The following RIMKLB variants were observed in gnomAD, a reference collection of about 807,000 sequenced individuals.
The protein encoded by RIMKLB is ribosomal modification protein rimK like family member B.
RIMKLB carries 7 observed loss-of-function variants against 32.0 expected under a neutral mutation model. The ratio of observed to expected loss-of-function variants is 0.22; its 90% CI spans 0.12 to 0.41. The LOEUF (loss-of-function observed/expected upper bound fraction) is 0.41, where lower values mean the gene tolerates loss of function less well. Ranked by LOEUF, RIMKLB falls within the 10% of genes least tolerant of loss-of-function variation. The pLI, the probability that RIMKLB is intolerant of heterozygous loss-of-function variation, is 1.00. For missense variants in RIMKLB, 289 were observed against 498.7 expected (o/e 0.58, Z 4.00); for synonymous variants, 172 against 185.1 (o/e 0.93, Z 0.57).
chr12:8,698,249 C>G lies in RIMKLB; in HGVS notation c.-105C>G, dbSNP rs1043443432. 1.3e-5 allele frequency: 5 copies of G among 373,088 alleles called. No individual in the cohort carries two copies. Among genetic ancestry groups the G allele is most frequent in the South Asian group, 1.8e-5 (1 of 55,982 alleles). 23.1% of individuals were successfully genotyped at this position (373,088 alleles called of 1,614,324 possible). ...GGCGGCCCGCGCTTCCTCGAAGGCC[C>G]CAGCCCGGCTCAGTCGGCCGAGAGC... is the stretch of plus-strand genomic sequence containing the variant. On this transcript the variant is annotated 5_prime_UTR_variant, in exon 1 of 6. Transcript: ENST00000535829.
At position 8,773,340 on chromosome 12, in the gene RIMKLB, C is replaced by T. The variant is rs1238864324; in HGVS notation, c.717C>T (p.Cys239=). Residue 239 remains cysteine (C), a synonymous_variant, in exon 6 of 6, where the codon TGC becomes TGT. Coordinates refer to ENST00000535829, the MANE Select transcript of RIMKLB (RefSeq NM_001297776.2). ...NCSLGGVGMM[C]SLSEQGKQLA... is the part of the protein sequence containing the mutation. ...TGCCAGGTGGTGTGGGGATGATGTG[C>T]TCATTGAGTGAACAAGGGAAGCAGC... is the stretch of plus-strand genomic sequence containing the variant. 2 of 1,612,868 alleles carry T rather than the reference C, an allele frequency of 1.2e-6. No homozygotes were observed.
chr12:8,745,693 CTTTT>C (rs754631863), intron 2 of RIMKLB, among the ~76,000 whole-genome samples: 1 of 136,080 alleles, frequency 7.3e-6, no homozygotes, highest in Admixed American at 7.5e-5. Flanking sequence ...TGCACCCAGC[CTTTT>C]TTTTTTTTTT....
intron 2 of RIMKLB, among the ~76,000 whole-genome samples, chr12:8,740,883 G>A (rs754089657): frequency 2.0e-5 from 3 of 152,016 alleles, no homozygotes; most frequent in South Asian, 2.1e-4. Flanking sequence ...GACCAGCCTG[G>A]CCAACATGGT....
downstream of RIMKLB, among the ~76,000 whole-genome samples, chr12:8,778,361 C>CA (rs1469747393): frequency 6.6e-6 from 1 of 152,052 alleles, no homozygotes. Context: ...GAAGATAATA[C>CA]AAAAAAATTT....
At chr12:8,752,377 C>A (rs1420146451) in intron 4 of RIMKLB, among the ~76,000 whole-genome samples, 3 of 152,142 alleles carry the variant, frequency 2.0e-5, no homozygotes, top group Non-Finnish European at 4.4e-5. Flanking sequence ...TGTGGTGAAA[C>A]CTCGCCTCAA....
the RIMKLB span, among the ~76,000 whole-genome samples, chr12:8,676,030 G>C: frequency 6.6e-6 from 1 of 152,112 alleles, no homozygotes; most frequent in East Asian, 1.9e-4. Flanking sequence ...ATGTGACTCA[G>C]ATCAATCTCA....
At chr12:8,718,039 C>T (rs762527806) in intron 2 of RIMKLB, among the ~76,000 whole-genome samples, 1 of 152,244 alleles carries the variant, frequency 6.6e-6, no homozygotes, top group Admixed American at 6.5e-5. Context: ...GGATTTTCAG[C>T]CTCTGTGCCT....
upstream of RIMKLB, among the ~76,000 whole-genome samples, chr12:8,678,530 G>T (rs1048758309): frequency 6.6e-6 from 1 of 151,870 alleles, no homozygotes; most frequent in Non-Finnish European, 1.5e-5. Flanking sequence ...GTTTCTCCAT[G>T]TTTGTCAGGC....
chr12:8,716,210 G>A (rs1944814002), intron 2 of RIMKLB, among the ~76,000 whole-genome samples: 1 of 152,130 alleles, frequency 6.6e-6, no homozygotes, highest in Non-Finnish European at 1.5e-5. Context: ...TTTTAAAAGT[G>A]TGTAGGTTGA....
chr12:8,755,718 C>T (rs1311230239), intron 5 of RIMKLB, among the ~76,000 whole-genome samples: 2 of 152,164 alleles, frequency 1.3e-5, no homozygotes, highest in Non-Finnish European at 2.9e-5. Flanking sequence ...GCTCAAAATC[C>T]TCCGATAGGG....
intron 1 of RIMKLB, among the ~76,000 whole-genome samples, chr12:8,689,788 G>A (rs1294131743): frequency 6.6e-6 from 1 of 152,112 alleles, no homozygotes; most frequent in African/African-American, 2.4e-5. Flanking sequence ...GAGAACGCAG[G>A]CTGGGTATAG....
intron 1 of RIMKLB, chr12:8,700,175 A>G (rs1471717302): frequency 2.6e-5 from 4 of 152,152 alleles, no homozygotes; most frequent in African/African-American, 9.7e-5. Context: ...ACTCTTCTAA[A>G]TCTTCCACCC....
chr12:8,775,834 A>C lies in RIMKLB; in HGVS notation c.*2050A>C. 1 of 984,844 alleles carries C rather than the reference A, an allele frequency of 1.0e-6. No homozygotes were observed. Among genetic ancestry groups the C allele is most frequent in the Non-Finnish European group, 1.2e-6 (1 of 829,302 alleles). The allele number at this position is 984,844 out of a possible 1,614,324, so 61.0% of individuals were successfully genotyped here. A position where few individuals can be genotyped will look rare whatever the true frequency, so the allele number is the denominator to read the frequency against. On this transcript the variant is annotated 3_prime_UTR_variant, in exon 6 of 6. Coordinates refer to ENST00000535829, the MANE Select transcript of RIMKLB (RefSeq NM_001297776.2). ...AGGAGTTTGTAATTTATCTTAGGAT[A>C]TTCTAATTGCATTTAAAAGAACTTA... is the stretch of plus-strand genomic sequence containing the variant.
chr12:8,763,995 G>C (rs1949741441), intron 5 of RIMKLB, among the ~76,000 whole-genome samples: 1 of 152,204 alleles, frequency 6.6e-6, no homozygotes, highest in South Asian at 2.1e-4. Context: ...GGAAAGCAGA[G>C]TATAAGGGTT....
At chr12:8,674,518 C>A in the RIMKLB span, among the ~76,000 whole-genome samples, 2 of 151,512 alleles carry the variant, frequency 1.3e-5, no homozygotes, top group South Asian at 2.1e-4. Context: ...GGATTATAGG[C>A]GTGAGCCACC....
the RIMKLB span, among the ~76,000 whole-genome samples, chr12:8,672,322 G>A: frequency 3.5e-4 from 53 of 152,130 alleles, no homozygotes; most frequent in East Asian, 2.5e-3. Flanking sequence ...CCACATTTTC[G>A]GGCGTCTTTT....
upstream of RIMKLB, among the ~76,000 whole-genome samples, chr12:8,694,609 G>A (rs1241049755): frequency 6.6e-6 from 1 of 151,970 alleles, no homozygotes; most frequent in Non-Finnish European, 1.5e-5. Flanking sequence ...GGCCAGGCTG[G>A]TCTCGAACTC....
rs1166053142 is a variant in RIMKLB at position 8,753,197 on chromosome 12, C to G, written c.494-693C>G. Among the ~76,000 whole-genome samples, 3 of 152,234 alleles carry G rather than the reference C, an allele frequency of 2.0e-5. 1 individual carries two copies. The highest frequency in any genetic ancestry group is 4.4e-5 in the Non-Finnish European group (3 of 68,044). ...TCTCCAGTAGAGCAGCCAAGAGTCT[C>G]AGGCCTCCTGCAGTGAATGCTAAAG... On this transcript the variant is annotated intron_variant, in intron 4 of 5. Transcript: ENST00000535829.
intron 2 of RIMKLB, 71 bp from the exon 3 acceptor site, chr12:8,749,791 C>T (rs1948466086): frequency 1.4e-5 from 13 of 940,798 alleles, no homozygotes; most frequent in Non-Finnish European, 2.1e-5. Flanking sequence ...CAAACTTTGG[C>T]GTATTACTAT....
Sources: gnomAD v4.1 joint callset for allele counts (sites outside exome capture counted in the v4.1 genomes callset) on GRCh38, gnomAD v4.1.1 for gene constraint, MANE v1.5 for transcripts, NCBI Gene and HGNC (gene_info 2026-07-23, HGNC 2026-07-21) for gene names.